The following SERGEF variants were observed in gnomAD, a reference collection of about 807,000 sequenced individuals.
SERGEF encodes the protein secretion regulating guanine nucleotide exchange factor.
A neutral mutation model predicts 50.0 loss-of-function variants in SERGEF; 51 were observed. The ratio of observed to expected loss-of-function variants is 1.02; its 90% CI spans 0.81 to 1.29. The LOEUF is 1.29. Among genes scored for constraint, SERGEF ranks in the 50% most tolerant of loss-of-function variants. SERGEF has a pLI of 0.00. For missense variants in SERGEF, 521 were observed against 557.0 expected (o/e 0.94, Z 0.65); for synonymous variants, 205 against 212.4 (o/e 0.97, Z 0.30).
intron 10 of SERGEF, chr11:17,863,670 C>T (rs1362947467): frequency 2.0e-5 from 3 of 152,186 alleles, no homozygotes; most frequent in Non-Finnish European, 4.4e-5. Flanking sequence ...AAATTTAATT[C>T]CCATAGCTCT....
At chr11:17,789,790 A>G (rs923945136) in intron 10 of SERGEF, among the ~76,000 whole-genome samples, 12 of 152,218 alleles carry the variant, frequency 7.9e-5, no homozygotes, top group African/African-American at 2.9e-4. Flanking sequence ...ATTGTAGCAC[A>G]AATATTTCTC....
At chr11:17,974,290 G>T (rs1853321410) in intron 8 of SERGEF, among the ~76,000 whole-genome samples, 1 of 152,174 alleles carries the variant, frequency 6.6e-6, no homozygotes, top group African/African-American at 2.4e-5. Flanking sequence ...GTAAAAACTT[G>T]ACACAGTTTA....
chr11:17,898,057 T>G (rs557366269), intron 9 of SERGEF, among the ~76,000 whole-genome samples: 109 of 152,338 alleles, frequency 7.2e-4, no homozygotes, highest in African/African-American at 2.5e-3. Flanking sequence ...GTCCCATTTA[T>G]AGAGGGGCCA....
intron 1 of SERGEF, among the ~76,000 whole-genome samples, chr11:18,008,919 C>A (rs189611137): frequency 6.6e-6 from 1 of 152,158 alleles, no homozygotes; most frequent in Admixed American, 6.5e-5. Flanking sequence ...AGGGTCCAAC[C>A]TGAAGAAAAA....
At chr11:17,863,724 T>C (rs1023204274) in intron 10 of SERGEF, 3 of 152,240 alleles carry the variant, frequency 2.0e-5, no homozygotes, top group Non-Finnish European at 2.9e-5. Flanking sequence ...ATTCCATGAA[T>C]GTTGTATTCC....
At chr11:17,885,164 T>TA (rs1851406145) in intron 9 of SERGEF, among the ~76,000 whole-genome samples, 1 of 152,222 alleles carries the variant, frequency 6.6e-6, no homozygotes, top group Non-Finnish European at 1.5e-5. Flanking sequence ...CCCTTATATT[T>TA]AGGCTGTCTC....
intron 8 of SERGEF, among the ~76,000 whole-genome samples, chr11:17,972,454 A>G (rs900693680): frequency 1.3e-5 from 2 of 152,232 alleles, no homozygotes; most frequent in East Asian, 3.8e-4. Context: ...CCACCAGCAA[A>G]AAGATCACAA....
At chr11:17,849,931 T>C (rs906023894) in intron 10 of SERGEF, among the ~76,000 whole-genome samples, 3 of 152,232 alleles carry the variant, frequency 2.0e-5, no homozygotes, top group African/African-American at 7.2e-5. Context: ...TCAAGATACA[T>C]GATCTTCTCC....
chr11:17,799,387 C>T (rs1001425214), intron 10 of SERGEF, among the ~76,000 whole-genome samples: 2 of 152,178 alleles, frequency 1.3e-5, no homozygotes, highest in Non-Finnish European at 1.5e-5. Context: ...TGGCCTGGCC[C>T]GTATGCTGGT....
chr11:17,873,159 C>T lies in SERGEF; in HGVS notation c.1048+5049G>A, dbSNP rs569115157. ...TCACCAGTCTGCAGGAAGGCAGCAT[C>T]GGTCCACAGGCTCTGAAATTAGAGG... On this transcript the variant is annotated intron_variant, in intron 10 of 10. Coordinates refer to ENST00000265965, the MANE Select transcript of SERGEF (RefSeq NM_012139.4). 2.9e-3 allele frequency among the ~76,000 whole-genome samples: 446 copies of T among 152,244 alleles called. 1 individual carries two copies. The highest frequency in any genetic ancestry group is 9.7e-3 in the African/African-American group (402 of 41,532).
chr11:17,849,575 A>G (rs1321525818), intron 10 of SERGEF, among the ~76,000 whole-genome samples: 2 of 152,048 alleles, frequency 1.3e-5, no homozygotes, highest in African/African-American at 4.8e-5. Context: ...CTATATCTAC[A>G]GTAGTAGACA....
At chr11:17,880,751 G>A (rs1184138850) in intron 9 of SERGEF, among the ~76,000 whole-genome samples, 10 of 151,916 alleles carry the variant, frequency 6.6e-5, no homozygotes, top group Non-Finnish European at 1.3e-4. Flanking sequence ...TATAAAATCA[G>A]GAATGTTTAG....
intron 8 of SERGEF, among the ~76,000 whole-genome samples, chr11:17,983,339 G>T (rs1299290700): frequency 6.6e-6 from 1 of 152,208 alleles, no homozygotes; most frequent in African/African-American, 2.4e-5. Flanking sequence ...CTTCAGGAGA[G>T]TTCTGAATCA....
chr11:17,971,052 G>A (rs1853238747), intron 8 of SERGEF, among the ~76,000 whole-genome samples: 1 of 152,114 alleles, frequency 6.6e-6, no homozygotes, highest in Non-Finnish European at 1.5e-5. Context: ...AACTTAGCCA[G>A]GTGTGGTGGT....
chr11:17,886,408 A>C (rs1851430381), intron 9 of SERGEF, among the ~76,000 whole-genome samples: 1 of 152,114 alleles, frequency 6.6e-6, no homozygotes, highest in Admixed American at 6.5e-5. Context: ...TCATGAGTTC[A>C]AGACCAGCCT....
chr11:17,965,853 T>C (rs1853110363), intron 8 of SERGEF, among the ~76,000 whole-genome samples: 1 of 152,254 alleles, frequency 6.6e-6, no homozygotes, highest in Non-Finnish European at 1.5e-5. Flanking sequence ...TTGAGCAAAC[T>C]ACTCAACAGC....
intron 1 of SERGEF, 147 bp from the exon 2 acceptor site, chr11:18,008,223 ATT>A: frequency 1.4e-6 from 1 of 713,880 alleles, no homozygotes; most frequent in Non-Finnish European, 2.2e-6. Context: ...TTAAAAAAAA[ATT>A]TTTAGCTCCT....
intron 10 of SERGEF, among the ~76,000 whole-genome samples, chr11:17,815,024 A>G (rs1849942396): frequency 6.6e-6 from 1 of 152,028 alleles, no homozygotes; most frequent in African/African-American, 2.4e-5. Flanking sequence ...CTACAAAGAT[A>G]AAAAATTAAA....
chr11:17,939,232 G>T (rs1852515011), intron 9 of SERGEF, among the ~76,000 whole-genome samples: 1 of 152,150 alleles, frequency 6.6e-6, no homozygotes, highest in Non-Finnish European at 1.5e-5. Flanking sequence ...TTGGGGTAGA[G>T]AAAAGACATA....
Sources: allele counts gnomAD v4.1 joint callset (sites outside exome capture counted in the v4.1 genomes callset), GRCh38; gene constraint gnomAD v4.1.1; transcripts MANE v1.5; gene names NCBI Gene and HGNC (gene_info 2026-07-23, HGNC 2026-07-21).